CCDC138: variants seen among roughly 807,000 people sequenced by gnomAD.
CCDC138 encodes coiled-coil domain-containing protein 138.
A neutral mutation model predicts 82.3 loss-of-function variants in CCDC138; 66 were observed. The observed-to-expected ratio is 0.80, with a 90% CI of 0.66 to 0.98. The LOEUF is 0.98. CCDC138 is among the 50% of genes least tolerant of loss of function. The pLI, the probability that CCDC138 is intolerant of heterozygous loss-of-function variation, is 0.00. For missense variants in CCDC138, 816 were observed against 758.9 expected (o/e 1.08, Z -0.88); for synonymous variants, 297 against 265.4 (o/e 1.12, Z -1.16).
intron 7 of CCDC138, among the ~76,000 whole-genome samples, chr2:108,809,624 T>G: frequency 6.6e-6 from 1 of 152,188 alleles, no homozygotes. Flanking sequence ...TCTTTCTTTT[T>G]CAGTTAGTTT....
chr2:108,861,770 C>T lies in CCDC138; in HGVS notation c.1693+4800C>T, dbSNP rs1036908479. ...TGCTGGGATTACAGGCGTGAGCCAC[C>T]GCGCCCGGCCTAAACCTCGGCCTCC... On this transcript the variant is annotated intron_variant, in intron 13 of 14. Coordinates refer to ENST00000295124, the MANE Select transcript of CCDC138 (RefSeq NM_144978.3). Among the ~76,000 whole-genome samples, 6 of 152,132 alleles carry T rather than the reference C, an allele frequency of 3.9e-5. No homozygotes were observed. In the East Asian group the frequency reaches 5.8e-4, roughly 15 times the overall value.
chr2:108,815,921 A>T lies in CCDC138; in HGVS notation c.1042-20A>T. 1 of 1,575,506 alleles carries T rather than the reference A, an allele frequency of 6.3e-7. No individual in the cohort carries two copies. The highest frequency in any genetic ancestry group is 8.6e-7 in the Non-Finnish European group (1 of 1,162,386). On this transcript the variant is annotated intron_variant, in intron 9 of 14. Coordinates refer to ENST00000295124, the MANE Select transcript of CCDC138 (RefSeq NM_144978.3). ...ATGAAGTTGTGAACTGAAATAAATGATTTAATTTTTGACATATAGGTACCA... is the reference window on the plus strand; with the variant it reads ...ATGAAGTTGTGAACTGAAATAAATGTTTTAATTTTTGACATATAGGTACCA...
At chr2:108,848,379 G>T (rs2150674078) in intron 12 of CCDC138, among the ~76,000 whole-genome samples, 1 of 152,238 alleles carries the variant, frequency 6.6e-6, no homozygotes, top group Admixed American at 6.5e-5. Context: ...TATTGGGAAG[G>T]AGTAGAGAAG....
chr2:108,854,699 C>T (rs532945395), intron 12 of CCDC138, among the ~76,000 whole-genome samples: 1 of 152,202 alleles, frequency 6.6e-6, no homozygotes, highest in African/African-American at 2.4e-5. Context: ...GGATATTTGG[C>T]TGGGCTCGGC....
chr2:108,839,813 AAC>A (rs1689161017), intron 11 of CCDC138, among the ~76,000 whole-genome samples: 1 of 151,958 alleles, frequency 6.6e-6, no homozygotes, highest in Non-Finnish European at 1.5e-5. Context: ...TGCAAATGAA[AAC>A]AGTGTTGTGT....
chr2:108,793,205 T>A (rs1398121455), intron 4 of CCDC138, among the ~76,000 whole-genome samples: 5 of 145,504 alleles, frequency 3.4e-5, no homozygotes, highest in East Asian at 2.0e-4. Context: ...AAAAAAAAAA[T>A]AACAAAAAAA....
At chr2:108,844,469 T>G (rs1424351332) in intron 11 of CCDC138, among the ~76,000 whole-genome samples, 1 of 152,220 alleles carries the variant, frequency 6.6e-6, no homozygotes, top group Non-Finnish European at 1.5e-5. Flanking sequence ...CGTATGCAGG[T>G]GTTCCTTTTG....
chr2:108,851,204 G>C (rs1558732015), intron 12 of CCDC138, among the ~76,000 whole-genome samples: 1 of 152,178 alleles, frequency 6.6e-6, no homozygotes, highest in African/African-American at 2.4e-5. Context: ...TGGAACTTCT[G>C]TCCCCTCCCT....
intron 10 of CCDC138, among the ~76,000 whole-genome samples, chr2:108,827,985 A>G (rs1558686248): frequency 6.6e-6 from 1 of 152,174 alleles, no homozygotes; most frequent in East Asian, 1.9e-4. Context: ...ACACAAATTG[A>G]TGGAACAGAA....
At chr2:108,791,116 T>C (rs960753229) in intron 3 of CCDC138, among the ~76,000 whole-genome samples, 4 of 151,242 alleles carry the variant, frequency 2.6e-5, no homozygotes. Context: ...CTTTTAGATA[T>C]ATTATATTAA....
intron 12 of CCDC138, among the ~76,000 whole-genome samples, chr2:108,853,918 A>G (rs1692038025): frequency 8.2e-6 from 1 of 122,076 alleles, no homozygotes; most frequent in Admixed American, 1.0e-4. Flanking sequence ...TATATAGTAT[A>G]TATATTATAT....
At chr2:108,820,774 T>C (rs186969063) in intron 10 of CCDC138, among the ~76,000 whole-genome samples, 16 of 151,242 alleles carry the variant, frequency 1.1e-4, no homozygotes, top group Admixed American at 3.9e-4. Flanking sequence ...CTTAAGACTT[T>C]CTCAGATAAA....
intron 6 of CCDC138, among the ~76,000 whole-genome samples, chr2:108,799,439 G>A (rs193247858): frequency 4.3e-4 from 66 of 152,190 alleles, no homozygotes; most frequent in Non-Finnish European, 6.9e-4. Flanking sequence ...GTTCCCTTAC[G>A]CTCTCTTGTA....
At chr2:108,822,760 C>T (rs1685928177) in intron 10 of CCDC138, among the ~76,000 whole-genome samples, 1 of 152,138 alleles carries the variant, frequency 6.6e-6, no homozygotes, top group Non-Finnish European at 1.5e-5. Context: ...AAAAATACAT[C>T]ATACCAAAAT....
intron 7 of CCDC138, among the ~76,000 whole-genome samples, chr2:108,805,839 GAT>G (rs1487603039): frequency 6.6e-6 from 1 of 152,176 alleles, no homozygotes; most frequent in African/African-American, 2.4e-5. Flanking sequence ...TTGGCAGAAA[GAT>G]GTGAAAGTAA....
intron 10 of CCDC138, among the ~76,000 whole-genome samples, chr2:108,834,713 A>G (rs1688293513): frequency 6.6e-6 from 1 of 152,192 alleles, no homozygotes; most frequent in Admixed American, 6.5e-5. Context: ...AGAATTTTTC[A>G]TTATCTGAAA....
At chr2:108,857,452 C>A (rs1692811066) in intron 13 of CCDC138, among the ~76,000 whole-genome samples, 1 of 152,128 alleles carries the variant, frequency 6.6e-6, no homozygotes, top group African/African-American at 2.4e-5. Flanking sequence ...TAGGTAACTT[C>A]TCCAGGGATT....
At chr2:108,834,092 G>A (rs1467458627) in intron 10 of CCDC138, among the ~76,000 whole-genome samples, 2 of 151,454 alleles carry the variant, frequency 1.3e-5, no homozygotes, top group African/African-American at 4.9e-5. Flanking sequence ...AAGGAAACTA[G>A]AATTTGAGGG....
At chr2:108,822,450 G>A (rs960674020) in intron 10 of CCDC138, among the ~76,000 whole-genome samples, 3 of 152,106 alleles carry the variant, frequency 2.0e-5, no homozygotes, top group African/African-American at 7.2e-5. Context: ...AAATTAACTC[G>A]ATCTGTCAGA....
Sources: gnomAD v4.1 joint callset for allele counts (sites outside exome capture counted in the v4.1 genomes callset) on GRCh38, gnomAD v4.1.1 for gene constraint, MANE v1.5 for transcripts, NCBI Gene and HGNC (gene_info 2026-07-23, HGNC 2026-07-21) for gene names.